The following AGBL1 variants were observed in gnomAD, a reference collection of about 807,000 sequenced individuals.
AGBL1 encodes the protein cytosolic carboxypeptidase 4.
A neutral mutation model predicts 118.9 loss-of-function variants in AGBL1; 130 were observed. The ratio of observed to expected loss-of-function variants is 1.09; its 90% confidence interval spans 0.95 to 1.26. The LOEUF is 1.26. Ranked by LOEUF, AGBL1 falls within the 50% of genes most tolerant of loss-of-function variation. AGBL1 has a pLI of 0.00. For synonymous variants in AGBL1, 555 were observed against 478.9 expected, an observed-to-expected ratio of 1.16 and a Z score of -2.08; for missense variants, 1,584 against 1,298.1, an observed-to-expected ratio of 1.22 and a Z score of -3.38.
At chr15:86,255,778 T>TA (rs72427538) in intron 7 of AGBL1, among the ~76,000 whole-genome samples, 4,847 of 148,756 alleles carry the variant, frequency 0.033, 265 homozygotes, top group African/African-American at 0.11. Flanking sequence ...TGAGACTGTC[T>TA]AAAAAAAAAA....
At chr15:86,526,007 C>G (rs549643023) in intron 19 of AGBL1, among the ~76,000 whole-genome samples, 1 of 152,146 alleles carries the variant, frequency 6.6e-6, no homozygotes, top group East Asian at 1.9e-4. Context: ...GAAACTCAAA[C>G]AAATCAGCAA....
intron 17 of AGBL1, among the ~76,000 whole-genome samples, chr15:86,395,854 T>C (rs2081352841): frequency 6.6e-6 from 1 of 152,088 alleles, no homozygotes; most frequent in Non-Finnish European, 1.5e-5. Context: ...CTTTATATCT[T>C]CCATTGCCTA....
intron 23 of AGBL1, among the ~76,000 whole-genome samples, chr15:86,953,850 A>AATTATATAATC (rs1235528966): frequency 6.6e-6 from 1 of 152,160 alleles, no homozygotes; most frequent in African/African-American, 2.4e-5. Flanking sequence ...CTGGGTATAG[A>AATTATATAATC]ATTATATAAT....
chr15:86,618,771 T>G (rs2084765161), intron 21 of AGBL1, among the ~76,000 whole-genome samples: 1 of 152,146 alleles, frequency 6.6e-6, no homozygotes, highest in Non-Finnish European at 1.5e-5. Context: ...CTGAAATCTC[T>G]GGTAAAGACA....
chr15:86,975,637 T>C (rs28513692), intron 23 of AGBL1, among the ~76,000 whole-genome samples: 3 of 152,162 alleles, frequency 2.0e-5, no homozygotes, highest in Non-Finnish European at 2.9e-5. Flanking sequence ...TAAAGCACAA[T>C]GTTTCAGGCT....
intron 18 of AGBL1, among the ~76,000 whole-genome samples, chr15:86,434,997 C>G (rs1365655880): frequency 6.6e-6 from 1 of 152,098 alleles, no homozygotes; most frequent in African/African-American, 2.4e-5. Flanking sequence ...GTAAGTTTTT[C>G]TATTGAATAT....
At chr15:87,001,191 TC>T (rs2141759768) in intron 24 of AGBL1, among the ~76,000 whole-genome samples, 1 of 149,186 alleles carries the variant, frequency 6.7e-6, no homozygotes, top group South Asian at 2.2e-4. Context: ...CAATTTGACT[TC>T]CTCTTTTCCT....
downstream of AGBL1, chr15:86,916,213 CCAGT>C (rs746986559): frequency 1.4e-4 from 22 of 152,290 alleles, no homozygotes; most frequent in Admixed American, 1.2e-3. Context: ...TGGTATATTC[CCAGT>C]CAAAGAGACC....
At chr15:86,820,953 G>A (rs1023198326) in intron 22 of AGBL1, among the ~76,000 whole-genome samples, 7 of 152,136 alleles carry the variant, frequency 4.6e-5, no homozygotes. Flanking sequence ...ATGATAGACT[G>A]GATAAAGAAA....
chr15:86,224,047 G>A (rs1003147031), intron 5 of AGBL1, among the ~76,000 whole-genome samples: 19 of 152,122 alleles, frequency 1.2e-4, no homozygotes, highest in African/African-American at 4.1e-4. Context: ...AGCCTCTTTG[G>A]CCTGTTCCTC....
rs1339494931 is a variant in AGBL1, at chr15:86,142,015, C to T, written c.63C>T (p.Asp21=). The change falls in exon 2 of 23, where the codon GAC becomes GAT. Residue 21 remains aspartate (D), a synonymous_variant. Coordinates refer to ENST00000614907, the MANE Select transcript of AGBL1 (RefSeq NM_001386094.1). ...TGTTCTCATTGCAGAGCTCCTCTGA[C>T]AAGGAGTCCATCCTGACCATCCTCA... ...VLLHTLQSSS[D]KESILTILKV... The T allele has an allele frequency of 1.9e-6, 3 of 1,550,134 alleles. No homozygotes were observed. Among genetic ancestry groups the T allele is most frequent in the Admixed American group, 3.9e-5 (2 of 50,960 alleles).
intron 17 of AGBL1, among the ~76,000 whole-genome samples, chr15:86,306,427 G>A (rs1276813036): frequency 6.6e-6 from 1 of 152,038 alleles, no homozygotes; most frequent in Non-Finnish European, 1.5e-5. Flanking sequence ...GTCTTTCTGT[G>A]TCTGGCTTAT....
At chr15:86,651,573 G>C (rs751074201) in intron 21 of AGBL1, among the ~76,000 whole-genome samples, 55 of 152,270 alleles carry the variant, frequency 3.6e-4, no homozygotes, top group Non-Finnish European at 6.0e-4. Context: ...CCACAATGCT[G>C]TTGTCAGGAT....
At chr15:86,688,074 T>C (rs1190783690) in intron 22 of AGBL1, among the ~76,000 whole-genome samples, 1 of 152,182 alleles carries the variant, frequency 6.6e-6, no homozygotes, top group Non-Finnish European at 1.5e-5. Context: ...CCTTAAAAAG[T>C]TGGAATTTAT....
intron 18 of AGBL1, among the ~76,000 whole-genome samples, chr15:86,460,889 G>A (rs2082326728): frequency 6.6e-6 from 1 of 152,262 alleles, no homozygotes; most frequent in Non-Finnish European, 1.5e-5. Flanking sequence ...GGTCACAACC[G>A]CTTGCCATTT....
chr15:86,250,525 C>CA lies in AGBL1; in HGVS notation c.735+2694dup, dbSNP rs60432449. On this transcript the variant is annotated intron_variant, in intron 7 of 22. Transcript: ENST00000614907. ...TGGGCAACAGAGTAAGACTCTGTCTCAAAAAAAAAAAAAAAAAAAAAAAAA... is the reference window on the plus strand; with the variant it reads ...TGGGCAACAGAGTAAGACTCTGTCTCAAAAAAAAAAAAAAAAAAAAAAAAAA... Among the ~76,000 whole-genome samples the CA allele has an allele frequency of 1.8e-4, 7 of 38,972 alleles. 1 individual carries two copies. The highest frequency in any genetic ancestry group is 3.3e-4 in the Non-Finnish European group (7 of 21,498). 25.6% of individuals were successfully genotyped at this position (38,972 alleles called of 152,430 possible). A position where few individuals can be genotyped will look rare whatever the true frequency, so the allele number is the denominator to read the frequency against.
intron 20 of AGBL1, among the ~76,000 whole-genome samples, chr15:86,552,347 T>C (rs941345072): frequency 3.9e-5 from 6 of 152,002 alleles, no homozygotes; most frequent in African/African-American, 1.2e-4. Flanking sequence ...AGATAGAACC[T>C]ATGGAAGAAA....
At chr15:86,936,795 T>A (rs2080681632) in intron 23 of AGBL1, among the ~76,000 whole-genome samples, 1 of 152,124 alleles carries the variant, frequency 6.6e-6, no homozygotes, top group Non-Finnish European at 1.5e-5. Context: ...AAGCAAAAAT[T>A]GACAAGTGGG....
At chr15:86,528,553 G>A (rs1450990345) in intron 19 of AGBL1, among the ~76,000 whole-genome samples, 3 of 145,402 alleles carry the variant, frequency 2.1e-5, no homozygotes, top group African/African-American at 5.2e-5. Flanking sequence ...CATTGCCCAG[G>A]CTTGCTTAGG....
Sources: allele counts gnomAD v4.1 joint callset (sites outside exome capture counted in the v4.1 genomes callset), GRCh38; gene constraint gnomAD v4.1.1; transcripts MANE v1.5; gene names NCBI Gene and HGNC (gene_info 2026-07-23, HGNC 2026-07-21).